Variants in SCFD2 observed in about 807,000 individuals in gnomAD.
The protein encoded by SCFD2 is sec1 family domain-containing protein 2.
Under a neutral mutation model 58.9 loss-of-function variants are expected in SCFD2, and 54 were observed. That is an observed-to-expected ratio of 0.92 (90% CI 0.74 to 1.15). The LOEUF (loss-of-function observed/expected upper bound fraction) is 1.15, where lower values mean the gene tolerates loss of function less well. Among genes scored for constraint, SCFD2 ranks in the 50% most tolerant of loss-of-function variants. The pLI, the probability that SCFD2 is intolerant of heterozygous loss-of-function variation, is 0.00. For missense variants in SCFD2, 805 were observed against 836.6 expected, an observed-to-expected ratio of 0.96 and a Z score of 0.47; for synonymous variants, 321 against 335.9, an observed-to-expected ratio of 0.96 and a Z score of 0.49.
intron 2 of SCFD2, among the ~76,000 whole-genome samples, chr4:53,348,625 T>C (rs1376465892): frequency 6.6e-6 from 1 of 152,186 alleles, no homozygotes; most frequent in Non-Finnish European, 1.5e-5. Flanking sequence ...ACAACCTGAC[T>C]TCTGGTTTCA....
intron 5 of SCFD2, among the ~76,000 whole-genome samples, chr4:53,009,274 T>G (rs1295805356): frequency 6.6e-6 from 1 of 152,220 alleles, no homozygotes; most frequent in Non-Finnish European, 1.5e-5. Context: ...GAGTCCTATC[T>G]TCCCAGAAGC....
At chr4:53,019,322 A>G (rs1301719329) in intron 5 of SCFD2, among the ~76,000 whole-genome samples, 1 of 152,226 alleles carries the variant, frequency 6.6e-6, no homozygotes, top group African/African-American at 2.4e-5. Context: ...TCATATAAAG[A>G]TTAACTTGTA....
chr4:53,364,592 C>T (rs1406674055), intron 1 of SCFD2, among the ~76,000 whole-genome samples: 2 of 152,222 alleles, frequency 1.3e-5, no homozygotes, highest in Admixed American at 6.5e-5. Context: ...TATTTCATCT[C>T]ATTTACTAGT....
At chr4:53,219,179 A>G (rs1312793682) in intron 4 of SCFD2, among the ~76,000 whole-genome samples, 1 of 152,200 alleles carries the variant, frequency 6.6e-6, no homozygotes, top group African/African-American at 2.4e-5. Flanking sequence ...AAACAGGGAC[A>G]TTAAGTCTGC....
intron 5 of SCFD2, among the ~76,000 whole-genome samples, chr4:52,971,346 T>A (rs1721095760): frequency 6.6e-6 from 1 of 152,022 alleles, no homozygotes; most frequent in Non-Finnish European, 1.5e-5. Context: ...CTGAAAACCA[T>A]GGCACGAGAA....
intron 5 of SCFD2, among the ~76,000 whole-genome samples, chr4:53,080,641 T>C (rs1277401743): frequency 6.6e-6 from 1 of 152,088 alleles, no homozygotes; most frequent in Admixed American, 6.6e-5. Context: ...AGAAAGGCAA[T>C]TATTCTTATA....
chr4:53,260,026 G>A (rs1273861612), intron 4 of SCFD2, among the ~76,000 whole-genome samples: 2 of 150,594 alleles, frequency 1.3e-5, no homozygotes, highest in Non-Finnish European at 3.0e-5. Flanking sequence ...CTTGGTCGCT[G>A]CTGGTGTATA....
chr4:53,059,760 A>G (rs1241176348), intron 5 of SCFD2, among the ~76,000 whole-genome samples: 1 of 152,104 alleles, frequency 6.6e-6, no homozygotes, highest in African/African-American at 2.4e-5. Context: ...GATGGACTTC[A>G]ATAATTCTCA....
intron 5 of SCFD2, among the ~76,000 whole-genome samples, chr4:53,082,981 CTCTCTTT>C (rs1724193846): frequency 6.6e-6 from 1 of 151,800 alleles, no homozygotes; most frequent in South Asian, 2.1e-4. Flanking sequence ...GTCTCTCTTT[CTCTCTTT>C]CTCTCTTTCT....
At chr4:53,164,788 C>CAAAAAA (rs767167356) in intron 4 of SCFD2, among the ~76,000 whole-genome samples, 3 of 97,648 alleles carry the variant, frequency 3.1e-5, no homozygotes, top group Admixed American at 2.3e-4. Flanking sequence ...TCTGGAGTCT[C>CAAAAAA]AAAAAAAAAA....
intron 7 of SCFD2, among the ~76,000 whole-genome samples, chr4:52,887,957 G>A (rs1718780702): frequency 1.6e-5 from 2 of 128,162 alleles, no homozygotes; most frequent in African/African-American, 3.2e-5. Context: ...AGGCCGGACT[G>A]CGGACTGCAG....
At chr4:52,927,891 C>T (rs1383237678) in intron 5 of SCFD2, among the ~76,000 whole-genome samples, 1 of 152,136 alleles carries the variant, frequency 6.6e-6, no homozygotes, top group African/African-American at 2.4e-5. Context: ...TATATATACA[C>T]ATATTTATTA....
intron 5 of SCFD2, among the ~76,000 whole-genome samples, chr4:53,037,760 C>T (rs1722802043): frequency 6.6e-6 from 1 of 152,116 alleles, no homozygotes. Flanking sequence ...TATGTTGTCT[C>T]AGATCTGAAG....
chr4:53,155,080 G>A (rs1053319879), intron 4 of SCFD2, among the ~76,000 whole-genome samples: 2 of 152,152 alleles, frequency 1.3e-5, no homozygotes, highest in Admixed American at 1.3e-4. Context: ...CTAAATTTGT[G>A]GTAATTTGCT....
intron 5 of SCFD2, among the ~76,000 whole-genome samples, chr4:52,930,510 G>A (rs1719966400): frequency 6.6e-6 from 1 of 152,082 alleles, no homozygotes; most frequent in Admixed American, 6.6e-5. Context: ...ATTGACAAAT[G>A]GGAACCATCA....
intron 5 of SCFD2, among the ~76,000 whole-genome samples, chr4:52,964,975 A>C (rs369558410): frequency 7.1e-4 from 107 of 151,424 alleles, no homozygotes; most frequent in African/African-American, 2.5e-3. Flanking sequence ...CTGAAAGGCA[A>C]AATGTATGGT....
At chr4:53,027,097 A>G (rs572508099) in intron 5 of SCFD2, among the ~76,000 whole-genome samples, 49 of 152,306 alleles carry the variant, frequency 3.2e-4, no homozygotes, top group African/African-American at 1.2e-3. Context: ...TTGTTGAGCT[A>G]GCCTCATCCA....
At chr4:52,953,662 G>T (rs1328621122) in intron 5 of SCFD2, among the ~76,000 whole-genome samples, 1 of 152,186 alleles carries the variant, frequency 6.6e-6, no homozygotes, top group African/African-American at 2.4e-5. Flanking sequence ...AGTGTCAAGG[G>T]CTGCACAAGT....
intron 5 of SCFD2, among the ~76,000 whole-genome samples, chr4:53,073,652 G>A (rs1038356): frequency 0.97 from 147,200 of 152,212 alleles, 71,347 homozygotes; most frequent in Middle Eastern, 1. Flanking sequence ...GCATAATGAC[G>A]TACAGACATA....
Sources: gnomAD v4.1 joint callset for allele counts (sites outside exome capture counted in the v4.1 genomes callset) on GRCh38, gnomAD v4.1.1 for gene constraint, MANE v1.5 for transcripts, NCBI Gene and HGNC (gene_info 2026-07-23, HGNC 2026-07-21) for gene names.